Variants in COMMD1 observed in about 807,000 individuals in gnomAD.
COMMD1 encodes the protein copper metabolism domain containing 1, also known as COMM domain-containing protein 1.
A neutral mutation model predicts 17.2 loss-of-function variants in COMMD1; 10 were observed. The ratio of observed to expected loss-of-function variants is 0.58; its 90% CI spans 0.36 to 0.99. The LOEUF is 0.99. COMMD1 is among the 50% of genes least tolerant of loss of function. The pLI is 0.01. For missense variants in COMMD1, 270 were observed against 231.8 expected (o/e 1.17, Z -1.07); for synonymous variants, 97 against 91.6 (o/e 1.06, Z -0.34).
chr2:61,911,651 GA>G (rs1669911413), intron 1 of COMMD1, among the ~76,000 whole-genome samples: 1 of 152,086 alleles, frequency 6.6e-6, no homozygotes, highest in South Asian at 2.1e-4. Flanking sequence ...TAGAAGTCTA[GA>G]AATACTTGCA....
intron 1 of COMMD1, among the ~76,000 whole-genome samples, chr2:61,919,632 C>T (rs1183905467): frequency 1.3e-5 from 2 of 149,930 alleles, no homozygotes; most frequent in African/African-American, 2.5e-5. Context: ...TTTAATTTGG[C>T]TCAGCTTTGT....
chr2:61,972,427 ACT>A (rs1276470660), intron 1 of COMMD1, among the ~76,000 whole-genome samples: 1 of 152,144 alleles, frequency 6.6e-6, no homozygotes, highest in African/African-American at 2.4e-5. Context: ...GTGTCGCATA[ACT>A]CTCTATTCTT....
chr2:61,945,780 C>T (rs1442565814), intron 1 of COMMD1, among the ~76,000 whole-genome samples: 1 of 152,132 alleles, frequency 6.6e-6, no homozygotes, highest in African/African-American at 2.4e-5. Flanking sequence ...GCTTCCAGGT[C>T]ATAGGCAGAT....
intron 2 of COMMD1, among the ~76,000 whole-genome samples, chr2:62,099,464 C>T (rs922547399): frequency 7.9e-5 from 12 of 152,136 alleles, no homozygotes; most frequent in East Asian, 1.9e-4. Flanking sequence ...CATAAATACT[C>T]GCAAGTCAAG....
intron 2 of COMMD1, among the ~76,000 whole-genome samples, chr2:62,132,404 A>G (rs1355817995): frequency 6.6e-6 from 1 of 152,266 alleles, no homozygotes; most frequent in Non-Finnish European, 1.5e-5. Context: ...TTGCCTACAT[A>G]GAAAACCAGG....
In COMMD1 at chr2:62,050,672, C is replaced by T. The variant is rs1458222529; in HGVS notation, c.462+49690C>T. On this transcript the variant is annotated intron_variant, in intron 2 of 2. Transcript: ENST00000311832. ...ATCACATGCCTTGCTGTAGAAACTTCATTTTGTAAGCTGACTTATGTCATG... is the reference window on the plus strand; with the variant it reads ...ATCACATGCCTTGCTGTAGAAACTTTATTTTGTAAGCTGACTTATGTCATG... Among the ~76,000 whole-genome samples, 3 of 152,168 alleles carry T rather than the reference C, an allele frequency of 2.0e-5. No individual in the cohort carries two copies. In the East Asian group the frequency reaches 5.8e-4, roughly 29 times the overall value.
intron 1 of COMMD1, among the ~76,000 whole-genome samples, chr2:61,943,955 G>A (rs1326574607): frequency 6.6e-6 from 1 of 152,156 alleles, no homozygotes; most frequent in East Asian, 1.9e-4. Flanking sequence ...GTTGTAGGGG[G>A]TCAACCCTGC....
chr2:61,966,428 G>A (rs562807687), intron 1 of COMMD1, among the ~76,000 whole-genome samples: 2 of 152,064 alleles, frequency 1.3e-5, no homozygotes, highest in Non-Finnish European at 2.9e-5. Context: ...TGTTAAATTA[G>A]CATGCAGAAT....
At chr2:61,960,971 G>A (rs1023830977) in intron 1 of COMMD1, among the ~76,000 whole-genome samples, 47 of 152,136 alleles carry the variant, frequency 3.1e-4, no homozygotes, top group Non-Finnish European at 6.0e-4. Context: ...TAGATTGCTC[G>A]CACCAGGTGT....
intron 1 of COMMD1, among the ~76,000 whole-genome samples, chr2:61,890,413 T>C (rs1465659151): frequency 6.6e-6 from 1 of 151,402 alleles, no homozygotes; most frequent in Non-Finnish European, 1.5e-5. Context: ...GAGACGGGGT[T>C]TCTCCATGTT....
intron 1 of COMMD1, among the ~76,000 whole-genome samples, chr2:61,924,862 A>G (rs1289763673): frequency 6.6e-6 from 1 of 152,162 alleles, no homozygotes; most frequent in South Asian, 2.1e-4. Context: ...GACGAAGACT[A>G]CAGGAGAGGG....
chr2:61,934,226 T>C (rs569258285), intron 1 of COMMD1, among the ~76,000 whole-genome samples: 4 of 152,082 alleles, frequency 2.6e-5, no homozygotes, highest in South Asian at 2.1e-4. Flanking sequence ...GTTATTAGTA[T>C]CTCTTGAGTG....
intron 2 of COMMD1, among the ~76,000 whole-genome samples, chr2:62,134,812 T>C (rs911380442): frequency 3.3e-5 from 5 of 152,094 alleles, no homozygotes; most frequent in African/African-American, 9.7e-5. Flanking sequence ...TAACCTAGGA[T>C]TGATTGACCA....
At chr2:62,090,643 T>A (rs1022624240) in intron 2 of COMMD1, 1 of 152,224 alleles carries the variant, frequency 6.6e-6, no homozygotes, top group Non-Finnish European at 1.5e-5. Flanking sequence ...AGAAGTCATA[T>A]AATTCTACAA....
chr2:61,912,812 C>T (rs1186446434), intron 1 of COMMD1, among the ~76,000 whole-genome samples: 1 of 152,068 alleles, frequency 6.6e-6, no homozygotes, highest in African/African-American at 2.4e-5. Context: ...TAGCTTTAGC[C>T]ACTCTAATAA....
chr2:61,895,975 C>T (rs888145124), intron 1 of COMMD1, among the ~76,000 whole-genome samples: 5 of 152,178 alleles, frequency 3.3e-5, no homozygotes, highest in Non-Finnish European at 7.3e-5. Flanking sequence ...CCACTGTGGA[C>T]CCAGCTCCAA....
At chr2:61,950,576 G>A (rs2103665245) in intron 1 of COMMD1, among the ~76,000 whole-genome samples, 2 of 152,256 alleles carry the variant, frequency 1.3e-5, no homozygotes, top group South Asian at 4.1e-4. Context: ...GAATGCTAAG[G>A]TCACTTTTTC....
intron 1 of COMMD1, among the ~76,000 whole-genome samples, chr2:61,983,372 A>G (rs1230732243): frequency 7.3e-6 from 1 of 137,072 alleles, no homozygotes; most frequent in African/African-American, 3.2e-5. Flanking sequence ...TTGTATTATT[A>G]GTAGAGATGG....
chr2:61,934,481 G>A (rs1011611005), intron 1 of COMMD1, among the ~76,000 whole-genome samples: 1 of 152,116 alleles, frequency 6.6e-6, no homozygotes, highest in African/African-American at 2.4e-5. Context: ...CCAGCGCTTG[G>A]GGAGGCAGAG....
Sources: allele counts gnomAD v4.1 joint callset (sites outside exome capture counted in the v4.1 genomes callset), GRCh38; gene constraint gnomAD v4.1.1; transcripts MANE v1.5; gene names NCBI Gene and HGNC (gene_info 2026-07-23, HGNC 2026-07-21).